ARID3B: variants seen among roughly 807,000 people sequenced by gnomAD.
ARID3B encodes the protein AT-rich interactive domain-containing protein 3B.
ARID3B carries 10 observed loss-of-function variants against 51.9 expected under a neutral mutation model. The ratio of observed to expected loss-of-function variants is 0.19; its 90% CI spans 0.12 to 0.33. The LOEUF (loss-of-function observed/expected upper bound fraction) is 0.33. Among genes scored for constraint, ARID3B ranks in the 10% least tolerant of loss-of-function variants. ARID3B has a pLI of 1.00. For missense variants in ARID3B, 483 were observed against 716.3 expected (o/e 0.67, Z 3.72); for synonymous variants, 205 against 279.5 (o/e 0.73, Z 2.66).
intron 4 of ARID3B, among the ~76,000 whole-genome samples, chr15:74,586,282 T>C (rs2061781449): frequency 6.6e-6 from 1 of 152,216 alleles, no homozygotes; most frequent in Non-Finnish European, 1.5e-5. Context: ...AAGAGATCAC[T>C]TATTAGTTAG....
chr15:74,587,260 G>GCCAGAGA (rs377541655), intron 4 of ARID3B, among the ~76,000 whole-genome samples: 4 of 152,338 alleles, frequency 2.6e-5, no homozygotes, highest in African/African-American at 7.2e-5. Context: ...CTAACTGTGG[G>GCCAGAGA]CCAGAGAGGG....
intron 2 of ARID3B, among the ~76,000 whole-genome samples, chr15:74,546,578 G>C (rs1236021285): frequency 6.6e-6 from 1 of 152,260 alleles, no homozygotes; most frequent in Non-Finnish European, 1.5e-5. Context: ...CCAGCATCAT[G>C]TTATCTAGAT....
intron 2 of ARID3B, among the ~76,000 whole-genome samples, chr15:74,556,381 T>C (rs1393423255): frequency 1.3e-5 from 2 of 152,146 alleles, no homozygotes; most frequent in Non-Finnish European, 2.9e-5. Flanking sequence ...TCCAAAGCAA[T>C]TACAATGGTA....
chr15:74,587,980 G>A (rs547526035), intron 4 of ARID3B, among the ~76,000 whole-genome samples: 4 of 152,246 alleles, frequency 2.6e-5, no homozygotes, highest in Non-Finnish European at 4.4e-5. Flanking sequence ...TGTGGCTCAC[G>A]CTGCAGTCCA....
At chr15:74,563,117 C>G (rs1262562080) in intron 2 of ARID3B, among the ~76,000 whole-genome samples, 1 of 152,228 alleles carries the variant, frequency 6.6e-6, no homozygotes, top group Non-Finnish European at 1.5e-5. Context: ...GCCTCGACCA[C>G]CTGTCAGGCC....
chr15:74,547,166 C>T (rs1191406409), intron 2 of ARID3B, among the ~76,000 whole-genome samples: 2 of 150,938 alleles, frequency 1.3e-5, no homozygotes, highest in Non-Finnish European at 3.0e-5. Flanking sequence ...CCCGCCTTCC[C>T]CCTCCCCCGC....
intron 2 of ARID3B, among the ~76,000 whole-genome samples, chr15:74,565,674 C>T (rs921165109): frequency 2.0e-5 from 3 of 151,322 alleles, no homozygotes; most frequent in African/African-American, 7.3e-5. Context: ...GGAAGTGCAG[C>T]TCTAAGGAAT....
intron 8 of ARID3B, 35 bp from the exon 9 acceptor site, chr15:74,595,576 C>T (rs762332891): frequency 6.2e-6 from 10 of 1,601,658 alleles, no homozygotes; most frequent in Admixed American, 1.7e-5. Context: ...TTCGCTCTTC[C>T]TCTGCCCACA....
intron 2 of ARID3B, among the ~76,000 whole-genome samples, chr15:74,564,915 T>G (rs1166912897): frequency 2.0e-5 from 3 of 152,188 alleles, no homozygotes; most frequent in African/African-American, 7.2e-5. Context: ...GTCTAGTGAT[T>G]TTCTAATGAT....
Position 74,556,798 on chromosome 15 carries a change from G to T in ARID3B, c.552+12310G>T, listed in dbSNP as rs1185907357. 5.1e-4 allele frequency among the ~76,000 whole-genome samples: 63 copies of T among 122,632 alleles called. 1 individual carries two copies. The highest frequency in any genetic ancestry group is 2.0e-3 in the African/African-American group (58 of 29,008). 80.5% of individuals were successfully genotyped at this position (122,632 alleles called of 152,430 possible). On this transcript the variant is annotated intron_variant, in intron 2 of 8. Coordinates refer to ENST00000346246, the MANE Select transcript of ARID3B (RefSeq NM_006465.4). ...TTTGTTTTTTTTTTTTTTTTGAGAC[G>T]GAGTCTCACTCTGTTGCCCAGGCTG...
chr15:74,570,048 G>A (rs2061713524), intron 2 of ARID3B, among the ~76,000 whole-genome samples: 1 of 152,120 alleles, frequency 6.6e-6, no homozygotes, highest in African/African-American at 2.4e-5. Flanking sequence ...AGAGTTCGGT[G>A]TCTCATTTCT....
chr15:74,557,225 A>G (rs534687562), intron 2 of ARID3B, among the ~76,000 whole-genome samples: 13 of 151,548 alleles, frequency 8.6e-5, no homozygotes, highest in African/African-American at 2.9e-4. Flanking sequence ...GACCAGCCTG[A>G]GCAACATGAT....
At chr15:74,588,480 G>T (rs935632488) in intron 4 of ARID3B, among the ~76,000 whole-genome samples, 1 of 152,170 alleles carries the variant, frequency 6.6e-6, no homozygotes, top group Non-Finnish European at 1.5e-5. Context: ...TGAGACCTCA[G>T]CGAGACTGGG....
intron 2 of ARID3B, among the ~76,000 whole-genome samples, chr15:74,556,777 T>G (rs1330574747): frequency 1.1e-5 from 1 of 87,404 alleles, no homozygotes; most frequent in Non-Finnish European, 2.0e-5. Context: ...TTGTTTTTTG[T>G]TTTTTTTTTT....
chr15:74,573,385 A>T (rs569763885), intron 4 of ARID3B, 181 bp downstream of exon 4: 2 of 652,874 alleles, frequency 3.1e-6, no homozygotes, highest in South Asian at 3.7e-5. Flanking sequence ...AGGACAGAGA[A>T]GGTGTTGGCA....
chr15:74,565,167 C>G, intron 2 of ARID3B, among the ~76,000 whole-genome samples: 1 of 152,146 alleles, frequency 6.6e-6, no homozygotes, highest in South Asian at 2.1e-4. Flanking sequence ...ACCTCATCCT[C>G]CCAAGTAGCT....
At chr15:74,569,781 G>T (rs928869286) in intron 2 of ARID3B, among the ~76,000 whole-genome samples, 3 of 152,212 alleles carry the variant, frequency 2.0e-5, no homozygotes, top group African/African-American at 7.2e-5. Context: ...GCGAAAGGCA[G>T]GCAGGGCTCA....
chr15:74,567,849 C>T (rs1458117710), intron 2 of ARID3B, among the ~76,000 whole-genome samples: 1 of 152,156 alleles, frequency 6.6e-6, no homozygotes. Flanking sequence ...GTTTATTTCC[C>T]CTGTGTGCTG....
At chr15:74,575,312 G>A (rs1162287683) in intron 4 of ARID3B, among the ~76,000 whole-genome samples, 2 of 152,166 alleles carry the variant, frequency 1.3e-5, no homozygotes, top group African/African-American at 2.4e-5. Flanking sequence ...CAGCCAAGCC[G>A]ATTGTGAAGA....
Sources: allele counts gnomAD v4.1 joint callset (sites outside exome capture counted in the v4.1 genomes callset), GRCh38; gene constraint gnomAD v4.1.1; transcripts MANE v1.5; gene names NCBI Gene and HGNC (gene_info 2026-07-23, HGNC 2026-07-21).